Variants in GPC6 observed in about 807,000 individuals in gnomAD.
GPC6 encodes the protein glypican 6.
GPC6 carries 14 observed loss-of-function variants against 55.2 expected under a neutral mutation model. The ratio of observed to expected loss-of-function variants is 0.25; its 90% CI spans 0.17 to 0.40. The LOEUF is 0.40. Among genes scored for constraint, GPC6 ranks in the 10% least tolerant of loss-of-function variants. The pLI is 1.00. For synonymous variants in GPC6, 278 were observed against 259.6 expected (o/e 1.07, Z -0.68); for missense variants, 641 against 708.5 (o/e 0.90, Z 1.08).
intron 1 of GPC6, among the ~76,000 whole-genome samples, chr13:93,383,463 G>T (rs1375112083): frequency 6.6e-6 from 1 of 152,022 alleles, no homozygotes; most frequent in Non-Finnish European, 1.5e-5. Context: ...GCAATCCTCC[G>T]GCCTTGCCCT....
At chr13:93,645,144 A>G (rs1462160766) in intron 2 of GPC6, among the ~76,000 whole-genome samples, 1 of 152,168 alleles carries the variant, frequency 6.6e-6, no homozygotes, top group Non-Finnish European at 1.5e-5. Context: ...TGCAAGGACC[A>G]AAGGAAAGAA....
chr13:93,832,797 C>T (rs1032091448), intron 3 of GPC6, among the ~76,000 whole-genome samples: 5 of 152,258 alleles, frequency 3.3e-5, no homozygotes, highest in Non-Finnish European at 4.4e-5. Context: ...TAGAGTATGA[C>T]CTTTTTCTCT....
At chr13:94,345,855 C>T (rs987933394) in intron 6 of GPC6, among the ~76,000 whole-genome samples, 1 of 152,210 alleles carries the variant, frequency 6.6e-6, no homozygotes, top group Non-Finnish European at 1.5e-5. Context: ...TGTCTCAGTT[C>T]TGAAGCCTAG....
At chr13:94,222,836 C>T (rs1890426191) in intron 4 of GPC6, among the ~76,000 whole-genome samples, 1 of 152,116 alleles carries the variant, frequency 6.6e-6, no homozygotes, top group Non-Finnish European at 1.5e-5. Flanking sequence ...CTATTCTCCA[C>T]CTGTGCTCAG....
intron 6 of GPC6, among the ~76,000 whole-genome samples, chr13:94,350,912 T>C (rs1414418807): frequency 1.3e-5 from 2 of 151,936 alleles, no homozygotes; most frequent in Non-Finnish European, 2.9e-5. Context: ...GTAAAGGAAA[T>C]TGGCATTGGG....
chr13:94,282,520 G>A (rs1480909705), intron 4 of GPC6, among the ~76,000 whole-genome samples: 1 of 152,160 alleles, frequency 6.6e-6, no homozygotes, highest in Admixed American at 6.6e-5. Flanking sequence ...AGATTTGGGT[G>A]GGGACACAGC....
chr13:93,627,055 G>T (rs904599513), intron 2 of GPC6, among the ~76,000 whole-genome samples: 1 of 151,946 alleles, frequency 6.6e-6, no homozygotes, highest in Non-Finnish European at 1.5e-5. Flanking sequence ...TGCAGAACAT[G>T]CAGTTTTGTT....
chr13:93,670,557 C>T (rs181050199), intron 2 of GPC6, among the ~76,000 whole-genome samples: 1 of 152,132 alleles, frequency 6.6e-6, no homozygotes, highest in Non-Finnish European at 1.5e-5. Context: ...ATGAGAATGA[C>T]ATTTGCCAGC....
At chr13:93,830,042 G>A in intron 2 of GPC6, 112 bp from the exon 3 acceptor site, 1 of 702,196 alleles carries the variant, frequency 1.4e-6, no homozygotes. Flanking sequence ...TTAATCACAG[G>A]ATATGTTTTT....
intron 2 of GPC6, among the ~76,000 whole-genome samples, chr13:93,660,109 A>T (rs1880861503): frequency 6.6e-6 from 1 of 152,050 alleles, no homozygotes; most frequent in South Asian, 2.1e-4. Flanking sequence ...TCTTTAATAT[A>T]TTGTGTCTAT....
intron 6 of GPC6, among the ~76,000 whole-genome samples, chr13:94,319,181 T>A (rs1349490618): frequency 6.6e-6 from 1 of 152,110 alleles, no homozygotes; most frequent in Non-Finnish European, 1.5e-5. Flanking sequence ...TGAGGATATT[T>A]TCTTACTTCA....
chr13:93,880,572 G>C (rs1220855350), intron 3 of GPC6, among the ~76,000 whole-genome samples: 2 of 152,082 alleles, frequency 1.3e-5, no homozygotes, highest in African/African-American at 4.8e-5. Context: ...TGTGGGGTTG[G>C]GGGAGGAGGT....
chr13:94,092,524 G>A (rs745329543), intron 4 of GPC6, among the ~76,000 whole-genome samples: 8 of 151,788 alleles, frequency 5.3e-5, no homozygotes, highest in Non-Finnish European at 8.8e-5. Context: ...TTCTTTATCC[G>A]TTCATCTGTT....
chr13:93,235,380 A>G (rs1018155718), intron 1 of GPC6, among the ~76,000 whole-genome samples: 10 of 152,182 alleles, frequency 6.6e-5, no homozygotes, highest in Non-Finnish European at 2.9e-5. Context: ...TAGGCTTTAT[A>G]TGACAGAAAG....
intron 4 of GPC6, chr13:94,154,443 G>GTGAAGCC (rs1228625150): frequency 6.6e-6 from 1 of 152,206 alleles, no homozygotes; most frequent in Non-Finnish European, 1.5e-5. Context: ...CAAGAGCAGT[G>GTGAAGCC]TGAAGCCTGA....
intron 5 of GPC6, among the ~76,000 whole-genome samples, chr13:94,288,853 A>AT (rs1400224607): frequency 3.2e-4 from 22 of 69,828 alleles, no homozygotes; most frequent in African/African-American, 9.2e-4. Context: ...AAATATATAT[A>AT]ATAAATATAT....
intron 3 of GPC6, among the ~76,000 whole-genome samples, chr13:93,939,604 A>G (rs1423747610): frequency 2.0e-5 from 3 of 152,032 alleles, no homozygotes; most frequent in Non-Finnish European, 2.9e-5. Context: ...GATGAGCCAC[A>G]GAAAAGCAAT....
At chr13:94,396,966 T>A (rs1290833368) in intron 7 of GPC6, among the ~76,000 whole-genome samples, 1 of 152,156 alleles carries the variant, frequency 6.6e-6, no homozygotes, top group Non-Finnish European at 1.5e-5. Flanking sequence ...AAAACAAGGA[T>A]AAAATACTCC....
In GPC6 at chr13:93,640,793, CTCCT is replaced by C. The variant is rs139270669; in HGVS notation, c.319+95391_319+95394del. ...CCACTTTCCTTCCCTCCCTCCCTTC[CTCCT>C]TCCTTCCTTCCTTCCTTCTTTCCTT... On this transcript the variant is annotated intron_variant, in intron 2 of 8. Transcript: ENST00000377047. Among the ~76,000 whole-genome samples the C allele has an allele frequency of 3.5e-3, 207 of 59,782 alleles. 26 individuals are homozygous for C. In the South Asian group the frequency reaches 0.18, roughly 51 times the overall value. 39.2% of individuals were successfully genotyped at this position (59,782 alleles called of 152,430 possible).
Sources: gnomAD v4.1 joint callset for allele counts (sites outside exome capture counted in the v4.1 genomes callset) on GRCh38, gnomAD v4.1.1 for gene constraint, MANE v1.5 for transcripts, NCBI Gene and HGNC (gene_info 2026-07-23, HGNC 2026-07-21) for gene names.